ZNF385B: variants seen among roughly 807,000 people sequenced by gnomAD.
ZNF385B encodes zinc finger protein 533.
ZNF385B carries 23 observed loss-of-function variants against 39.2 expected under a neutral mutation model. That is an observed-to-expected ratio of 0.59 (90% CI 0.42 to 0.83). The LOEUF is 0.83. Among genes scored for constraint, ZNF385B ranks in the 40% least tolerant of loss-of-function variants. ZNF385B has a pLI of 0.00. For missense variants in ZNF385B, 552 were observed against 598.9 expected (o/e 0.92, Z 0.82); for synonymous variants, 205 against 222.6 (o/e 0.92, Z 0.70).
rs187536305 is a variant in ZNF385B, at chr2:179,632,561, G to A, written c.299-87592C>T. Among the ~76,000 whole-genome samples the A allele has an allele frequency of 1.1e-4, 17 of 152,258 alleles. No individual in the cohort carries two copies. In the East Asian group the frequency reaches 3.3e-3, roughly 29 times the overall value. On this transcript the variant is annotated intron_variant, in intron 3 of 9. Coordinates refer to ENST00000410066, the MANE Select transcript of ZNF385B (RefSeq NM_152520.6). ...GGACACATTTAAAGCAGTGTGTAGAGGGAAATTTATAGCACTAAATGCCCA... is the reference window on the plus strand; with the variant it reads ...GGACACATTTAAAGCAGTGTGTAGAAGGAAATTTATAGCACTAAATGCCCA...
At chr2:179,623,935 CTA>C (rs1299114444) in intron 3 of ZNF385B, among the ~76,000 whole-genome samples, 1 of 152,162 alleles carries the variant, frequency 6.6e-6, no homozygotes, top group African/African-American at 2.4e-5. Context: ...AGAGAATATC[CTA>C]TGTTTCCTTC....
chr2:179,578,856 G>A (rs1000706417), intron 3 of ZNF385B, among the ~76,000 whole-genome samples: 18 of 152,016 alleles, frequency 1.2e-4, no homozygotes, highest in African/African-American at 4.3e-4. Flanking sequence ...TCTTCTACCT[G>A]AGAAAAGCTT....
At chr2:179,603,685 T>C (rs1196007916) in intron 3 of ZNF385B, among the ~76,000 whole-genome samples, 1 of 152,260 alleles carries the variant, frequency 6.6e-6, no homozygotes, top group South Asian at 2.1e-4. Context: ...GTGTCTCCAG[T>C]TGACCCATGA....
intron 5 of ZNF385B, 59 bp downstream of exon 5, chr2:179,518,469 G>C: frequency 8.3e-7 from 1 of 1,202,198 alleles, no homozygotes; most frequent in Non-Finnish European, 1.2e-6. Flanking sequence ...TACGTATTTA[G>C]ATCAATCAGA....
intron 5 of ZNF385B, among the ~76,000 whole-genome samples, chr2:179,501,545 G>A (rs1296043700): frequency 6.6e-6 from 1 of 152,106 alleles, no homozygotes; most frequent in Non-Finnish European, 1.5e-5. Context: ...TAAAGTCATG[G>A]ACACAGAGAG....
At chr2:179,687,490 G>A (rs1291438624) in intron 3 of ZNF385B, among the ~76,000 whole-genome samples, 2 of 152,104 alleles carry the variant, frequency 1.3e-5, no homozygotes, top group Non-Finnish European at 2.9e-5. Flanking sequence ...CTATAGCTCA[G>A]TAGGACCTAC....
chr2:179,686,965 T>TA (rs1491419473), intron 3 of ZNF385B, among the ~76,000 whole-genome samples: 2 of 3,440 alleles, frequency 5.8e-4, no homozygotes, highest in Non-Finnish European at 8.3e-4. Flanking sequence ...ATTTGTACTG[T>TA]TTTTTTTTTT....
intron 6 of ZNF385B, 90 bp from the exon 7 acceptor site, chr2:179,446,860 G>T: frequency 1.4e-6 from 2 of 1,464,256 alleles, no homozygotes; most frequent in Non-Finnish European, 9.1e-7. Context: ...ATAGAAATTT[G>T]ATTCTTATGT....
intron 3 of ZNF385B, among the ~76,000 whole-genome samples, chr2:179,742,303 A>T (rs1239649160): frequency 6.6e-6 from 1 of 152,114 alleles, no homozygotes; most frequent in Non-Finnish European, 1.5e-5. Context: ...AGGAATGTGC[A>T]GCCTCCATTT....
chr2:179,650,848 A>G (rs567640165), intron 3 of ZNF385B, among the ~76,000 whole-genome samples: 9 of 152,282 alleles, frequency 5.9e-5, no homozygotes, highest in Admixed American at 4.6e-4. Flanking sequence ...CTGATAGGTA[A>G]TCCTTTCCCT....
chr2:179,467,285 G>A (rs552516545), intron 6 of ZNF385B, among the ~76,000 whole-genome samples: 2 of 152,256 alleles, frequency 1.3e-5, no homozygotes, highest in East Asian at 3.9e-4. Flanking sequence ...GTATAGTATA[G>A]TACAGGCTGC....
chr2:179,564,715 T>C (rs1159345498), intron 3 of ZNF385B, among the ~76,000 whole-genome samples: 2 of 152,170 alleles, frequency 1.3e-5, no homozygotes, highest in African/African-American at 4.8e-5. Flanking sequence ...CTCTCTACCA[T>C]TGGTAGAATA....
chr2:179,635,856 G>A (rs1196414015), intron 3 of ZNF385B, among the ~76,000 whole-genome samples: 19 of 151,844 alleles, frequency 1.3e-4, no homozygotes, highest in Admixed American at 1.2e-3. Flanking sequence ...ATTTTTGATA[G>A]TTGGAACACA....
At position 179,842,391 on chromosome 2, in the gene ZNF385B, C is replaced by T. The variant is rs79740210; in HGVS notation, c.-155+18710G>A. Reference sequence around the variant, plus strand: ...TCTCTTTGCATGCAGTCTAAACTTCCCTGTCTTTGTCCCTTAATGTATCTT... The same window carrying T: ...TCTCTTTGCATGCAGTCTAAACTTCTCTGTCTTTGTCCCTTAATGTATCTT... On this transcript the variant is annotated intron_variant, in intron 1 of 9. Coordinates refer to ENST00000410066, the MANE Select transcript of ZNF385B (RefSeq NM_152520.6). Among the ~76,000 whole-genome samples the T allele has an allele frequency of 3.3e-5, 5 of 152,146 alleles. No homozygotes were observed. In the East Asian group the frequency reaches 9.7e-4, roughly 29 times the overall value.
At chr2:179,827,647 G>A (rs1266438766) in intron 1 of ZNF385B, among the ~76,000 whole-genome samples, 1 of 152,056 alleles carries the variant, frequency 6.6e-6, no homozygotes, top group African/African-American at 2.4e-5. Flanking sequence ...CATTTCCTAG[G>A]TTCCTATCAT....
At chr2:179,690,168 G>A (rs1559093547) in intron 3 of ZNF385B, among the ~76,000 whole-genome samples, 1 of 152,144 alleles carries the variant, frequency 6.6e-6, no homozygotes, top group Admixed American at 6.6e-5. Context: ...ACGGCACAAT[G>A]AGAAAATGCA....
chr2:179,736,562 T>C (rs1209251001), intron 3 of ZNF385B, among the ~76,000 whole-genome samples: 2 of 152,224 alleles, frequency 1.3e-5, no homozygotes, highest in African/African-American at 4.8e-5. Flanking sequence ...TCAGATATGA[T>C]AAAATGTGAT....
chr2:179,444,831 G>A, intron 9 of ZNF385B, 45 bp downstream of exon 9: 1 of 1,551,388 alleles, frequency 6.4e-7, no homozygotes, highest in Non-Finnish European at 8.9e-7. Flanking sequence ...GCCCAACCCA[G>A]CAAGGCTGCC....
In ZNF385B at chr2:179,574,469, T is replaced by C. The variant is rs1685579404; in HGVS notation, c.299-29500A>G. ...CTGAGCAAGATATTTATCTGCTTTA[T>C]CCTGAATAAGGAGCAGCGTGGGCTA... On this transcript the variant is annotated intron_variant, in intron 3 of 9. Coordinates refer to ENST00000410066, the MANE Select transcript of ZNF385B (RefSeq NM_152520.6). Among the ~76,000 whole-genome samples the C allele has an allele frequency of 3.3e-5, 5 of 152,318 alleles. No homozygotes were observed. In the South Asian group the frequency reaches 1.0e-3, roughly 32 times the overall value.
Sources: gnomAD v4.1 joint callset for allele counts (sites outside exome capture counted in the v4.1 genomes callset) on GRCh38, gnomAD v4.1.1 for gene constraint, MANE v1.5 for transcripts, NCBI Gene and HGNC (gene_info 2026-07-23, HGNC 2026-07-21) for gene names.